The following JPT2 variants were observed in gnomAD, a reference collection of about 807,000 sequenced individuals.
The protein encoded by JPT2 is Jupiter microtubule associated homolog 2.
A neutral mutation model predicts 15.9 loss-of-function variants in JPT2; 9 were observed. The observed-to-expected ratio is 0.57, with a 90% confidence interval of 0.34 to 0.99. JPT2 has a LOEUF of 0.99. Among genes scored for constraint, JPT2 ranks in the 50% least tolerant of loss-of-function variants. The probability of loss-of-function intolerance (pLI) is 0.02; values close to 1 mark genes in which losing one functional copy is unlikely to be tolerated. For missense variants in JPT2, 267 were observed against 252.1 expected, an observed-to-expected ratio of 1.06 and a Z score of -0.40; for synonymous variants, 95 against 91.7, an observed-to-expected ratio of 1.04 and a Z score of -0.21.
At position 1,698,972 on chromosome 16, in the gene JPT2, G is replaced by A. The variant is rs1168602815; in HGVS notation, c.547G>A (p.Gly183Ser). 2 of 1,613,282 alleles carry A rather than the reference G, an allele frequency of 1.2e-6. No individual in the cohort carries two copies. Among genetic ancestry groups the A allele is most frequent in the Middle Eastern group, 1.7e-4 (1 of 6,060 alleles). The change falls in exon 5 of 5, where the codon GGC (glycine) becomes AGC (serine). Residue 183 changes from glycine (G) to serine (S), a missense_variant. Physicochemically the swap from Gly to Ser is moderately conservative, Grantham distance 56. Coordinates refer to ENST00000248098, the MANE Select transcript of JPT2 (RefSeq NM_144570.3). This position sits in a 1 kb window ranked among gnomAD's most constrained non-coding sequence, Gnocchi z 4.9. ...CAACAAGGTCCTGAACCCACCGGGA[G>A]GCAAATCCAGCATCTCCTTCTACTA... The part of the protein sequence containing the change: ...SHNKVLNPPG[G>S]KSSISFY
At chr16:1,683,609 T>C in intron 1 of JPT2, 1 of 1,531,444 alleles carries the variant, frequency 6.5e-7, no homozygotes, top group Non-Finnish European at 8.7e-7. Flanking sequence ...CAGCACACGC[T>C]TGGTTTCTGG....
chr16:1,691,694 C>T (rs1025059425), intron 2 of JPT2, 149 bp from the exon 3 acceptor site: 1 of 883,658 alleles, frequency 1.1e-6, no homozygotes, highest in South Asian at 1.8e-5. Context: ...TCAGGGGTTT[C>T]AGTCTGAGCA....
chr16:1,680,201 G>A (rs369667726), intron 1 of JPT2: 1 of 405,238 alleles, frequency 2.5e-6, no homozygotes, highest in African/African-American at 2.2e-5. Flanking sequence ...CCACATCAGT[G>A]GGGGGAGGGA....
rs2037183147 is a variant in JPT2 at position 1,701,962 on chromosome 16, C to CT, written c.*2966dup. 1 of 353,478 alleles carries CT rather than the reference C, an allele frequency of 2.8e-6. No individual in the cohort carries two copies. Among genetic ancestry groups the CT allele is most frequent in the African/African-American group, 2.1e-5 (1 of 47,140 alleles). 21.9% of individuals were successfully genotyped at this position (353,478 alleles called of 1,614,324 possible). On this transcript the variant is annotated 3_prime_UTR_variant, in exon 5 of 5. Transcript: ENST00000248098. ...GAGGCTGAGTGAGGCAGGAGGATCA[C>CT]TTGAGACCAGGAGGTTGTGGCTGTA...
chr16:1,682,672 C>CA (rs531013322), intron 1 of JPT2, among the ~76,000 whole-genome samples: 1,627 of 115,210 alleles, frequency 0.014, 9 homozygotes, highest in South Asian at 0.035. Flanking sequence ...GATTTCGTCT[C>CA]AAAAAAAAAA....
chr16:1,695,627 T>C (rs1382825438), intron 3 of JPT2, among the ~76,000 whole-genome samples: 1 of 151,826 alleles, frequency 6.6e-6, no homozygotes, highest in African/African-American at 2.4e-5. Context: ...CCCCAGCACT[T>C]TGGGAGGCTG....
At chr16:1,696,347 A>G (rs1408927867) in intron 3 of JPT2, among the ~76,000 whole-genome samples, 2 of 152,120 alleles carry the variant, frequency 1.3e-5, no homozygotes, top group African/African-American at 4.8e-5. Context: ...CCTGGCTAAC[A>G]TGGTGAAACC....
Position 1,700,612 on chromosome 16 carries a change from C to A in JPT2, c.*1614C>A, listed in dbSNP as rs1031484286. 1.8e-5 allele frequency: 3 copies of A among 164,522 alleles called. No individual in the cohort carries two copies. Among genetic ancestry groups the A allele is most frequent in the Non-Finnish European group, 4.1e-5 (3 of 73,886 alleles). 10.2% of individuals were successfully genotyped at this position (164,522 alleles called of 1,614,324 possible). ...GGCTTTGTCAACCAAAGACAGCTTC[C>A]CCCTTTTGATTGCCTGTAGACTTTG... On this transcript the variant is annotated 3_prime_UTR_variant, in exon 5 of 5. Coordinates refer to ENST00000248098, the MANE Select transcript of JPT2 (RefSeq NM_144570.3).
At chr16:1,696,792 G>C (rs913295374) in intron 3 of JPT2, among the ~76,000 whole-genome samples, 1 of 152,194 alleles carries the variant, frequency 6.6e-6, no homozygotes, top group African/African-American at 2.4e-5. Flanking sequence ...GTGCATGCCT[G>C]TTCGGATGGT....
chr16:1,683,649 A>G, intron 1 of JPT2: 1 of 1,255,094 alleles, frequency 8.0e-7, no homozygotes, highest in Non-Finnish European at 1.1e-6. Context: ...GGGTCTCTGC[A>G]GGCGGAGACT....
At position 1,700,125 on chromosome 16, in the gene JPT2, C is replaced by T. The variant is rs755749249; in HGVS notation, c.*1127C>T. On this transcript the variant is annotated 3_prime_UTR_variant, in exon 5 of 5. Coordinates refer to ENST00000248098, the MANE Select transcript of JPT2 (RefSeq NM_144570.3). ...AAAGAGGAAGAAGAGCTGTGGAGGCCACCCTCTACAAAGCTTTATAGAACT... is the reference window on the plus strand; with the variant it reads ...AAAGAGGAAGAAGAGCTGTGGAGGCTACCCTCTACAAAGCTTTATAGAACT... 6.6e-6 allele frequency: 3 copies of T among 455,916 alleles called. No homozygotes were observed. The highest frequency in any genetic ancestry group is 6.5e-4 in the Middle Eastern group (2 of 3,070). The allele number at this position is 455,916 out of a possible 1,614,324, so 28.2% of individuals were successfully genotyped here.
chr16:1,697,677 T>TG (rs893730082), intron 3 of JPT2, 135 bp from the exon 4 acceptor site: 13 of 717,658 alleles, frequency 1.8e-5, no homozygotes, highest in Non-Finnish European at 2.5e-5. Flanking sequence ...TGTAGAGGAT[T>TG]GGGGGGGTCC....
chr16:1,683,219 G>A (rs192495684), intron 1 of JPT2, among the ~76,000 whole-genome samples: 1 of 151,802 alleles, frequency 6.6e-6, no homozygotes, highest in Non-Finnish European at 1.5e-5. Context: ...CTCGTGATCC[G>A]CCCACCTCGG....
intron 3 of JPT2, 180 bp downstream of exon 3, chr16:1,692,165 G>T (rs1291314702): frequency 2.6e-6 from 2 of 782,482 alleles, no homozygotes; most frequent in Non-Finnish European, 4.0e-6. Context: ...CCAGGAAACA[G>T]TCCAGCCTTG....
intron 3 of JPT2, among the ~76,000 whole-genome samples, chr16:1,693,705 G>A (rs554085949): frequency 3.3e-5 from 5 of 151,814 alleles, no homozygotes; most frequent in South Asian, 2.1e-4. Flanking sequence ...ATTGGACATC[G>A]CTAGCATCAC....
At chr16:1,686,755 C>G (rs1429331967) in intron 2 of JPT2, 1 of 151,946 alleles carries the variant, frequency 6.6e-6, no homozygotes, top group Non-Finnish European at 1.5e-5. Context: ...TGAATAACCA[C>G]CCAGTGGAGG....
At chr16:1,678,393 G>C in intron 1 of JPT2, 37 bp downstream of exon 1, 1 of 1,226,424 alleles carries the variant, frequency 8.2e-7, no homozygotes, top group Non-Finnish European at 1.0e-6. Flanking sequence ...GGCGGATAGC[G>C]CGACCACGTG....
chr16:1,694,972 A>G (rs1878292865), intron 3 of JPT2, among the ~76,000 whole-genome samples: 1 of 152,242 alleles, frequency 6.6e-6, no homozygotes, highest in South Asian at 2.1e-4. Context: ...AAAATTAAAA[A>G]TAAATTGGGC....
At position 1,698,784 on chromosome 16, in the gene JPT2, A is replaced by G; in HGVS notation, c.386-27A>G. The G allele has an allele frequency of 6.3e-7, 1 of 1,594,766 alleles. No homozygotes were observed. The highest frequency in any genetic ancestry group is 8.5e-7 in the Non-Finnish European group (1 of 1,170,808). On this transcript the variant is annotated intron_variant, in intron 4 of 4. Transcript: ENST00000248098. The surrounding 1 kb of genome is among the most constrained non-coding windows in gnomAD (Gnocchi z 4.9). Reference sequence around the variant, plus strand: ...AGGGTCATGGGTTGCCTCTAATGGGATGTTGTTCTAACTTTGTGTCCCACA... The same window carrying G: ...AGGGTCATGGGTTGCCTCTAATGGGGTGTTGTTCTAACTTTGTGTCCCACA...
Sources: gnomAD v4.1 joint callset for allele counts (sites outside exome capture counted in the v4.1 genomes callset) on GRCh38, gnomAD v4.1.1 for gene constraint, Gnocchi (gnomAD v3.1) non-coding constraint, MANE v1.5 for transcripts, NCBI Gene and HGNC (gene_info 2026-07-23, HGNC 2026-07-21) for gene names.